The following KCNT2 variants were observed in gnomAD, a reference collection of about 807,000 sequenced individuals.
KCNT2 encodes potassium channel subfamily T member 2.
Under a neutral mutation model 153.8 loss-of-function variants are expected in KCNT2, and 67 were observed. That is an observed-to-expected ratio of 0.44 (90% CI 0.36 to 0.53). The LOEUF (loss-of-function observed/expected upper bound fraction) is 0.53, where lower values mean the gene tolerates loss of function less well. Ranked by LOEUF, KCNT2 falls within the 20% of genes least tolerant of loss-of-function variation. KCNT2 has a pLI of 0.00. For missense variants in KCNT2, 975 were observed against 1,354.8 expected, an observed-to-expected ratio of 0.72 and a Z score of 4.40; for synonymous variants, 500 against 458.8, an observed-to-expected ratio of 1.09 and a Z score of -1.15.
intron 12 of KCNT2, among the ~76,000 whole-genome samples, chr1:196,420,394 T>C (rs1331147967): frequency 1.3e-5 from 2 of 151,878 alleles, no homozygotes; most frequent in Non-Finnish European, 2.9e-5. Flanking sequence ...TGTTTGCTTA[T>C]TCCTTCTTGT....
chr1:196,266,691 C>T (rs1238513075), intron 25 of KCNT2, among the ~76,000 whole-genome samples: 1 of 152,066 alleles, frequency 6.6e-6, no homozygotes, highest in East Asian at 1.9e-4. Flanking sequence ...ACTGCTTCTC[C>T]TTTTAATAGT....
chr1:196,320,368 G>C (rs756560581), intron 19 of KCNT2, among the ~76,000 whole-genome samples: 36 of 151,782 alleles, frequency 2.4e-4, no homozygotes, highest in African/African-American at 3.4e-4. Context: ...AGAATATCCT[G>C]TTAACTTGTA....
chr1:196,388,378 T>C (rs528404247), intron 13 of KCNT2, among the ~76,000 whole-genome samples: 2 of 151,904 alleles, frequency 1.3e-5, no homozygotes, highest in African/African-American at 4.8e-5. Flanking sequence ...ATAGTTGTTA[T>C]GACTATTATC....
chr1:196,448,527 T>G (rs1345305813), intron 8 of KCNT2, among the ~76,000 whole-genome samples: 1 of 151,642 alleles, frequency 6.6e-6, no homozygotes, highest in Non-Finnish European at 1.5e-5. Flanking sequence ...TTGCATTACC[T>G]GCCCTCTACT....
intron 21 of KCNT2, among the ~76,000 whole-genome samples, chr1:196,314,275 A>G (rs1336793804): frequency 6.6e-6 from 1 of 151,600 alleles, no homozygotes; most frequent in Non-Finnish European, 1.5e-5. Flanking sequence ...CCTCTTTTAT[A>G]TAATTAGCTT....
chr1:196,518,235 A>G (rs182643822), intron 1 of KCNT2, among the ~76,000 whole-genome samples: 13 of 152,302 alleles, frequency 8.5e-5, no homozygotes, highest in African/African-American at 3.1e-4. Flanking sequence ...GTTACCATCA[A>G]GCCCACCTTA....
intron 21 of KCNT2, among the ~76,000 whole-genome samples, chr1:196,305,810 A>G (rs1661574000): frequency 6.6e-6 from 1 of 152,172 alleles, no homozygotes; most frequent in Admixed American, 6.5e-5. Flanking sequence ...TAAATGTCAA[A>G]TCTTGCTACA....
intron 1 of KCNT2, among the ~76,000 whole-genome samples, chr1:196,544,591 A>C (rs190938434): frequency 2.0e-3 from 302 of 152,312 alleles, no homozygotes; most frequent in Middle Eastern, 3.4e-3. Context: ...TAGAAGGATG[A>C]AAGGGCAATA....
At chr1:196,248,522 T>C (rs1370163255) in intron 26 of KCNT2, among the ~76,000 whole-genome samples, 1 of 152,140 alleles carries the variant, frequency 6.6e-6, no homozygotes, top group East Asian at 1.9e-4. Context: ...TATGAACAAC[T>C]ATATGACAAT....
At chr1:196,524,813 C>A (rs921770836) in intron 1 of KCNT2, among the ~76,000 whole-genome samples, 1 of 152,072 alleles carries the variant, frequency 6.6e-6, no homozygotes, top group African/African-American at 2.4e-5. Context: ...TTTCTAGCAA[C>A]AAATAGGAAA....
chr1:196,281,496 A>T (rs1659091600), intron 24 of KCNT2, among the ~76,000 whole-genome samples: 1 of 152,146 alleles, frequency 6.6e-6, no homozygotes, highest in South Asian at 2.1e-4. Context: ...GACTTGTTCC[A>T]CCCAATGTTC....
At chr1:196,300,549 C>G (rs1013239424) in intron 22 of KCNT2, among the ~76,000 whole-genome samples, 1 of 152,066 alleles carries the variant, frequency 6.6e-6, no homozygotes, top group Non-Finnish European at 1.5e-5. Flanking sequence ...GCAATGTCCT[C>G]ATATCTGAAG....
chr1:196,377,331 A>AT (rs985104661), intron 13 of KCNT2, among the ~76,000 whole-genome samples: 5 of 151,544 alleles, frequency 3.3e-5, no homozygotes, highest in African/African-American at 1.2e-4. Flanking sequence ...TATCAGATAC[A>AT]TTTTTTTTGG....
intron 1 of KCNT2, among the ~76,000 whole-genome samples, chr1:196,539,661 T>C (rs1656075361): frequency 1.3e-5 from 2 of 152,100 alleles, no homozygotes; most frequent in Non-Finnish European, 2.9e-5. Flanking sequence ...TAAATAATAA[T>C]TGCAACTCTT....
At chr1:196,386,812 G>T (rs1242109106) in intron 13 of KCNT2, among the ~76,000 whole-genome samples, 1 of 152,048 alleles carries the variant, frequency 6.6e-6, no homozygotes, top group Non-Finnish European at 1.5e-5. Flanking sequence ...ATACAGCATA[G>T]CTTGATGGCT....
At chr1:196,561,708 T>C (rs1465408570) in intron 1 of KCNT2, among the ~76,000 whole-genome samples, 1 of 96,974 alleles carries the variant, frequency 1.0e-5, no homozygotes, top group African/African-American at 3.3e-5. Flanking sequence ...AGAACAGAAA[T>C]GCTCGTTACA....
intron 14 of KCNT2, among the ~76,000 whole-genome samples, chr1:196,346,910 T>C (rs1344946049): frequency 6.6e-6 from 1 of 152,148 alleles, no homozygotes; most frequent in Non-Finnish European, 1.5e-5. Flanking sequence ...TAAGACATAG[T>C]AGATGTTCAA....
At chr1:196,461,627 C>T (rs1008407464) in intron 8 of KCNT2, among the ~76,000 whole-genome samples, 2 of 151,610 alleles carry the variant, frequency 1.3e-5, no homozygotes, top group African/African-American at 4.8e-5. Context: ...ATTTAATTCC[C>T]GGATGCTCCA....
rs536270218 is a variant in KCNT2 at position 196,599,482 on chromosome 1, A to T, written c.95+8733T>A. 2.0e-5 allele frequency among the ~76,000 whole-genome samples: 3 copies of T among 152,334 alleles called. No individual in the cohort carries two copies. In the South Asian group the frequency reaches 6.2e-4, roughly 32 times the overall value. On this transcript the variant is annotated intron_variant, in intron 1 of 27. Transcript: ENST00000294725. ...CAAAGTCCATTTCTTACCCATATTT[A>T]CATACTGTGAAAATTGGAAGTAATA...
Sources: allele counts gnomAD v4.1 joint callset (sites outside exome capture counted in the v4.1 genomes callset), GRCh38; gene constraint gnomAD v4.1.1; transcripts MANE v1.5; gene names NCBI Gene and HGNC (gene_info 2026-07-23, HGNC 2026-07-21).